Variants in TLE2 observed in about 807,000 individuals in gnomAD.
The protein encoded by TLE2 is transducin-like enhancer protein 2.
In TLE2, 74 loss-of-function variants were observed where a neutral mutation model predicts 97.2. The observed-to-expected ratio is 0.76, with a 90% CI of 0.63 to 0.92. The LOEUF (loss-of-function observed/expected upper bound fraction) is 0.92. TLE2 is among the 40% of genes least tolerant of loss of function. The probability of loss-of-function intolerance (pLI) is 0.00; values close to 1 mark genes in which losing one functional copy is unlikely to be tolerated. For missense variants in TLE2, 1,038 were observed against 1,008.7 expected (o/e 1.03, Z -0.39); for synonymous variants, 499 against 432.1 (o/e 1.15, Z -1.92).
intron 1 of TLE2, among the ~76,000 whole-genome samples, chr19:3,035,773 G>A (rs1435064939): frequency 1.3e-5 from 2 of 152,218 alleles, no homozygotes; most frequent in Non-Finnish European, 2.9e-5. Flanking sequence ...GGGATCAGTA[G>A]GGCCAATCGG....
At chr19:3,027,900 G>A (rs981814394) in intron 3 of TLE2, 27 bp from the exon 4 acceptor site, 8 of 1,600,478 alleles carry the variant, frequency 5.0e-6, no homozygotes, top group Non-Finnish European at 6.8e-6. Flanking sequence ...AAGTAAGAAC[G>A]TCTAGGGTGG....
At chr19:3,016,084 C>G (rs888082073) in intron 8 of TLE2, among the ~76,000 whole-genome samples, 5 of 151,728 alleles carry the variant, frequency 3.3e-5, no homozygotes, top group Admixed American at 2.6e-4. Flanking sequence ...TTACAGGCGC[C>G]ACCACCACGC....
At chr19:2,999,806 G>C (rs62125443) in intron 19 of TLE2, among the ~76,000 whole-genome samples, 58,615 of 150,046 alleles carry the variant, frequency 0.39, 13,827 homozygotes, top group East Asian at 0.64. Context: ...GCCAAGGTAG[G>C]CAGATCACCT....
At chr19:3,015,132 A>G (rs1009319588) in intron 9 of TLE2, among the ~76,000 whole-genome samples, 1 of 148,154 alleles carries the variant, frequency 6.7e-6, no homozygotes, top group Non-Finnish European at 1.5e-5. Flanking sequence ...ATATTGGCCC[A>G]CCCTGAGCCT....
At chr19:3,025,704 C>A in intron 4 of TLE2, 2 of 704,598 alleles carry the variant, frequency 2.8e-6, no homozygotes, top group Non-Finnish European at 3.5e-6. Context: ...ACAATGGCCA[C>A]GGACTTTGCC....
chr19:3,019,550 G>A lies in TLE2; in HGVS notation c.370-87C>T. 2 of 1,490,070 alleles carry A rather than the reference G, an allele frequency of 1.3e-6. No homozygotes were observed. The allele number at this position is 1,490,070 out of a possible 1,614,324, so 92.3% of individuals were successfully genotyped here. On this transcript the variant is annotated intron_variant, in intron 6 of 19. Coordinates refer to ENST00000262953, the MANE Select transcript of TLE2 (RefSeq NM_003260.5). This position sits in a 1 kb window ranked among gnomAD's most constrained non-coding sequence, Gnocchi z 5.1. The stretch of plus-strand genomic sequence containing the variant: ...CCCAAGAGGTAGACACAGGGGATGG[G>A]ACCTAAGCACAGCATGTGCCCCTGG...
chr19:3,023,510 C>T (rs925145569), intron 5 of TLE2, among the ~76,000 whole-genome samples: 1 of 152,178 alleles, frequency 6.6e-6, no homozygotes, highest in African/African-American at 2.4e-5. Flanking sequence ...GGGTTTGGTC[C>T]TCAAGGCATC....
At position 2,997,688 on chromosome 19, in the gene TLE2, G is replaced by A. The variant is rs2089244800; in HGVS notation, c.*160C>T. 3.4e-6 allele frequency: 2 copies of A among 595,730 alleles called. No individual in the cohort carries two copies. Among genetic ancestry groups the A allele is most frequent in the African/African-American group, 1.9e-5 (1 of 53,990 alleles). The allele number at this position is 595,730 out of a possible 1,614,324, so 36.9% of individuals were successfully genotyped here. ...TTCCACCGAGGTCCCCTGCCCATCG[G>A]CCCCCACATGCAGCAGGGGAAGGTG... On this transcript the variant is annotated 3_prime_UTR_variant, in exon 20 of 20. Coordinates refer to ENST00000262953, the MANE Select transcript of TLE2 (RefSeq NM_003260.5).
At chr19:3,047,377 C>A (rs1237127304), upstream of TLE2, among the ~76,000 whole-genome samples, 2 of 146,700 alleles carry the variant, frequency 1.4e-5, no homozygotes, top group African/African-American at 5.0e-5. Context: ...CACCCGCCCC[C>A]CAGCGGGCCC....
rs752375444 is a variant in TLE2, at chr19:3,006,522, G to A, written c.1398C>T (p.Ser466=). 3 of 1,607,570 alleles carry A rather than the reference G, an allele frequency of 1.9e-6. No homozygotes were observed. The highest frequency in any genetic ancestry group is 2.7e-5 in the African/African-American group (2 of 74,760). The part of the protein sequence containing the change: ...HGEVVCAVTI[S]GSTQHVYTGG... The stretch of plus-strand genomic sequence containing the variant: ...CCGTGTACACATGCTGTGTGGAGCC[G>A]CTGATGGTGACCGCGCAGACCACCT... The change falls in exon 15 of 20, where the codon AGC becomes AGT. Residue 466 remains serine (S), a synonymous_variant. Transcript: ENST00000262953.
chr19:3,011,093 G>T lies in TLE2; in HGVS notation c.941C>A (p.Thr314Asn). 1.2e-6 allele frequency: 2 copies of T among 1,611,242 alleles called. No individual in the cohort carries two copies. Among genetic ancestry groups the T allele is most frequent in the South Asian group, 1.1e-5 (1 of 90,680 alleles). Reference protein sequence around the residue: ...CDSSPPQDASTPGPSSASHLC... With the variant: ...CDSSPPQDASNPGPSSASHLC... ...GTGACTGGCCGAGCTGGGCCCGGGG[G>T]TGGAAGCGTCCTGGGGCGGGGAGGA... Residue 314 changes from threonine (T) to asparagine (N), a missense_variant, in exon 12 of 20, where the codon ACC (threonine) becomes AAC (asparagine). By Grantham distance (65) the Thr-to-Asn change is moderately conservative. Transcript: ENST00000262953.
upstream of TLE2, among the ~76,000 whole-genome samples, chr19:3,031,342 T>TTGTGTGTGTG (rs60898410): frequency 1.9e-4 from 27 of 140,002 alleles, no homozygotes; most frequent in Admixed American, 5.1e-4. Flanking sequence ...AAAGATACAA[T>TTGTGTGTGTG]TGTGTGTGTG....
intron 1 of TLE2, among the ~76,000 whole-genome samples, chr19:3,040,187 T>C (rs2090089839): frequency 1.3e-5 from 2 of 152,114 alleles, no homozygotes; most frequent in African/African-American, 2.4e-5. Flanking sequence ...AGGATCGCCA[T>C]GGACTCCCGT....
Position 3,009,562 on chromosome 19 carries a change from C to G in TLE2, c.1153G>C (p.Val385Leu). Reference sequence around the variant, plus strand: ...CTCACCACGGGGGAGCGTCCGTACACCACAGAGCTGCTGACCTGGGGGGAC... The same window carrying G: ...CTCACCACGGGGGAGCGTCCGTACAGCACAGAGCTGCTGACCTGGGGGGAC... ...HLSPQVSSSVVYGRSPVMAFE... is the reference protein window; with the variant it reads ...HLSPQVSSSVLYGRSPVMAFE... The change falls in exon 13 of 20, where the codon GTG becomes CTG. Residue 385 changes from valine to leucine, a missense_variant. By Grantham distance (32) the Val-to-Leu change is conservative. Coordinates refer to ENST00000262953, the MANE Select transcript of TLE2 (RefSeq NM_003260.5). 1 of 1,613,050 alleles carries G rather than the reference C, an allele frequency of 6.2e-7. No individual in the cohort carries two copies. Among genetic ancestry groups the G allele is most frequent in the Admixed American group, 1.7e-5 (1 of 59,926 alleles).
At chr19:3,041,117 C>G (rs1460815085) in intron 1 of TLE2, among the ~76,000 whole-genome samples, 1 of 144,628 alleles carries the variant, frequency 6.9e-6, no homozygotes, top group Non-Finnish European at 1.5e-5. Context: ...ACCTCCACCT[C>G]CCAGGCTCAA....
chr19:2,998,276 T>TGTGTGTGTGTG (rs1339449267), intron 19 of TLE2, among the ~76,000 whole-genome samples: 2 of 76,014 alleles, frequency 2.6e-5, no homozygotes, highest in African/African-American at 5.5e-5. Flanking sequence ...TGTGTGTGTG[T>TGTGTGTGTGTG]AATTTTTTTT....
chr19:3,041,067 C>T (rs1452672914), intron 1 of TLE2, among the ~76,000 whole-genome samples: 2 of 108,626 alleles, frequency 1.8e-5, no homozygotes, highest in Non-Finnish European at 3.6e-5. Context: ...TATTCTGTCG[C>T]CCAGACTGGA....
rs556352770 is a variant in TLE2 at position 3,029,098 on chromosome 19, C to T, written c.-194G>A. 1 of 1,244,968 alleles carries T rather than the reference C, an allele frequency of 8.0e-7. No homozygotes were observed. Among genetic ancestry groups the T allele is most frequent in the African/African-American group, 1.6e-5 (1 of 63,870 alleles). The allele number at this position is 1,244,968 out of a possible 1,614,324, so 77.1% of individuals were successfully genotyped here. On this transcript the variant is annotated 5_prime_UTR_variant, in exon 1 of 20. Coordinates refer to ENST00000262953, the MANE Select transcript of TLE2 (RefSeq NM_003260.5). ...GCGCGCGCCCGGGGTCGTGGGAGCC[C>T]CTCCCCGGGTTGGGGTGCGCGGGGC...
chr19:3,035,764 G>A (rs2090057534), intron 1 of TLE2, among the ~76,000 whole-genome samples: 1 of 152,200 alleles, frequency 6.6e-6, no homozygotes, highest in African/African-American at 2.4e-5. Flanking sequence ...GGAGGCACTG[G>A]GATCAGTAGG....
Sources: gnomAD v4.1 joint callset for allele counts (sites outside exome capture counted in the v4.1 genomes callset) on GRCh38, gnomAD v4.1.1 for gene constraint, Gnocchi (gnomAD v3.1) non-coding constraint, MANE v1.5 for transcripts, NCBI Gene and HGNC (gene_info 2026-07-23, HGNC 2026-07-21) for gene names.